Variants in GUK1 observed in about 807,000 individuals in gnomAD.
GUK1 encodes guanylate kinase.
A neutral mutation model predicts 25.2 loss-of-function variants in GUK1; 18 were observed. That is an observed-to-expected ratio of 0.71 (90% CI 0.49 to 1.06). GUK1 has a LOEUF of 1.06. Among genes scored for constraint, GUK1 ranks in the 50% least tolerant of loss-of-function variants. GUK1 has a pLI of 0.00. For synonymous variants in GUK1, 105 were observed against 117.6 expected (o/e 0.89, Z 0.69); for missense variants, 261 against 276.7 (o/e 0.94, Z 0.40).
rs556730191 is a variant in GUK1 at position 228,140,516 on chromosome 1, G to A, written c.-168+153G>A. ...AACTGTGGGCCCTGAGAACGGGGGA[G>A]CTCTGGAGGGCGGACGGGCTGGCAA... On this transcript the variant is annotated intron_variant, in intron 1 of 8. Transcript: ENST00000312726. Among the ~76,000 whole-genome samples the A allele has an allele frequency of 3.9e-4, 59 of 152,398 alleles. No homozygotes were observed. In the South Asian group the frequency reaches 0.012, roughly 31 times the overall value.
In GUK1 at chr1:228,147,494, G is replaced by C; in HGVS notation, c.340G>C (p.Asp114His). ...GGGTGTGCGGAACATCAAGGCCACC[G>C]ATCTGCGGCCCATCTACATCTCTGT... The change falls in exon 6 of 9, where the codon GAT (aspartate) becomes CAT (histidine). Residue 114 changes from aspartate (D) to histidine (H), a missense_variant. Coordinates refer to ENST00000312726, the MANE Select transcript of GUK1 (RefSeq NM_000858.7). The C allele has an allele frequency of 6.2e-7, 1 of 1,613,276 alleles. No homozygotes were observed. The highest frequency in any genetic ancestry group is 8.5e-7 in the Non-Finnish European group (1 of 1,179,960).
At chr1:228,140,888 C>T (rs1329625016) in intron 1 of GUK1, among the ~76,000 whole-genome samples, 1 of 152,258 alleles carries the variant, frequency 6.6e-6, no homozygotes, top group Non-Finnish European at 1.5e-5. Context: ...GGTTCGGATT[C>T]TCCAAAGCCA....
chr1:228,145,907 G>C (rs2034341329), intron 3 of GUK1, 119 bp from the exon 3 acceptor site: 1 of 813,500 alleles, frequency 1.2e-6, no homozygotes, highest in Non-Finnish European at 2.1e-6. Flanking sequence ...CTTCCCAGTG[G>C]TGTGCTTCAC....
rs1357467794 is a variant in GUK1 at position 228,148,293 on chromosome 1, G to C, written c.476-78G>C. 4.0e-6 allele frequency: 4 copies of C among 1,008,484 alleles called. No individual in the cohort carries two copies. The South Asian group carries it at 5.1e-5, about 13-fold the overall frequency. The allele number at this position is 1,008,484 out of a possible 1,614,324, so 62.5% of individuals were successfully genotyped here. ...AGTGAGGACAGCCGCAGGCCAGTGG[G>C]CTGCTCTGGGGGTCGTGTGGGACCT... On this transcript the variant is annotated intron_variant, in intron 7 of 8. Coordinates refer to ENST00000312726, the MANE Select transcript of GUK1 (RefSeq NM_000858.7).
intron 2 of GUK1, among the ~76,000 whole-genome samples, chr1:228,142,640 G>C (rs566316991): frequency 6.6e-6 from 1 of 152,112 alleles, no homozygotes; most frequent in African/African-American, 2.4e-5. Flanking sequence ...TCTGATCGTT[G>C]TCAGGGCCCT....
chr1:228,146,222 AGG>A (rs2034363839), intron 4 of GUK1, 155 bp downstream of exon 3: 2 of 601,452 alleles, frequency 3.3e-6, no homozygotes, highest in African/African-American at 4.0e-5. Context: ...GAACTCAATC[AGG>A]GTGTCAGCGC....
chr1:228,142,575 G>A (rs563780717), intron 2 of GUK1, among the ~76,000 whole-genome samples: 1 of 152,140 alleles, frequency 6.6e-6, no homozygotes, highest in African/African-American at 2.4e-5. Context: ...AACAGGCGGG[G>A]TTGGGGCCCA....
chr1:228,141,758 C>T (rs572812300), intron 2 of GUK1: 54 of 1,320,930 alleles, frequency 4.1e-5, no homozygotes, highest in South Asian at 2.9e-4. Context: ...CATTCCGGAA[C>T]ATGGATCTGC....
rs1306031853 is a variant in GUK1 at position 228,147,395 on chromosome 1, C to T, written c.252-11C>T. 1.3e-5 allele frequency: 21 copies of T among 1,607,262 alleles called. No homozygotes were observed. The highest frequency in any genetic ancestry group is 1.5e-5 in the Non-Finnish European group (18 of 1,177,890). ...CCCTGGCACCCCTGCTGACCTGGCA[C>T]CTCTCCCCAGCAAGGTGGCGGTGCA... On this transcript the variant is annotated splice_polypyrimidine_tract_variant and intron_variant, in intron 5 of 8. Transcript: ENST00000312726.
upstream of GUK1, chr1:228,140,173 TA>T: frequency 2.6e-6 from 2 of 782,220 alleles, no homozygotes; most frequent in Non-Finnish European, 4.1e-6. Flanking sequence ...AGTACTTCCC[TA>T]AGGGGCGGGG....
intron 2 of GUK1, among the ~76,000 whole-genome samples, chr1:228,142,412 C>T (rs979776342): frequency 3.3e-5 from 5 of 152,136 alleles, no homozygotes; most frequent in African/African-American, 1.2e-4. Context: ...AGCCTGGACC[C>T]CTGCCTGGCA....
In GUK1 at chr1:228,147,473, G is replaced by A. The variant is rs372197142; in HGVS notation, c.319G>A (p.Val107Met). ...TGTGCTGGACGTGGACCTGCAGGGT[G>A]TGCGGAACATCAAGGCCACCGATCT... Residue 107 changes from valine (V) to methionine (M), a missense_variant, in exon 6 of 9, where the codon GTG (valine) becomes ATG (methionine). Transcript: ENST00000312726. The A allele has an allele frequency of 6.8e-6, 11 of 1,613,076 alleles. No homozygotes were observed. The highest frequency in any genetic ancestry group is 5.5e-5 in the South Asian group (5 of 91,088).
chr1:228,140,945 C>T (rs979891599), intron 1 of GUK1, among the ~76,000 whole-genome samples: 7 of 152,328 alleles, frequency 4.6e-5, no homozygotes, highest in Admixed American at 3.9e-4. Flanking sequence ...CATTCTTGAG[C>T]GTCGCCTTAG....
chr1:228,147,880 C>T (rs1480907380), intron 7 of GUK1, among the ~76,000 whole-genome samples, 181 bp downstream of exon 6: 10 of 151,764 alleles, frequency 6.6e-5, no homozygotes, highest in Non-Finnish European at 1.0e-4. Flanking sequence ...CAGAACCCAC[C>T]CCCAGTCACC....
intron 7 of GUK1, 184 bp from the exon 7 acceptor site, chr1:228,148,187 G>A: frequency 1.5e-6 from 1 of 685,884 alleles, no homozygotes; most frequent in East Asian, 2.7e-5. Context: ...CAGGAGTGGT[G>A]CCTGAGGACT....
chr1:228,146,026 A>T lies in GUK1; in HGVS notation c.113A>T (p.His38Leu). 1 of 1,610,846 alleles carries T rather than the reference A, an allele frequency of 6.2e-7. No homozygotes were observed. The highest frequency in any genetic ancestry group is 8.5e-7 in the Non-Finnish European group (1 of 1,177,186). ...GATGGGTGACAGGTCTCTCTGCTAG[A>T]TACCACGAGGAACCCGAGGCCCGGC... Residue 38 changes from histidine to leucine, a missense_variant and splice_region_variant, in exon 4 of 9, where the codon CAT becomes CTT. By Grantham distance (99) the His-to-Leu change is moderately conservative (BLOSUM62 -3). Transcript: ENST00000312726.
chr1:228,141,150 G>T lies in GUK1; in HGVS notation c.-141G>T. On this transcript the variant is annotated 5_prime_UTR_variant, in exon 2 of 9. Transcript: ENST00000312726. ...CTTGCTCTGCTCTTTACCTGGGGTTGCTGTCGAGGACCCTGTGCAAGACTC... is the reference window on the plus strand; with the variant it reads ...CTTGCTCTGCTCTTTACCTGGGGTTTCTGTCGAGGACCCTGTGCAAGACTC... 1 of 985,680 alleles carries T rather than the reference G, an allele frequency of 1.0e-6. No individual in the cohort carries two copies. Among genetic ancestry groups the T allele is most frequent in the Non-Finnish European group, 1.2e-6 (1 of 830,110 alleles). The allele number at this position is 985,680 out of a possible 1,614,324, so 61.1% of individuals were successfully genotyped here.
At chr1:228,148,132 A>T in intron 7 of GUK1, 1 of 621,322 alleles carries the variant, frequency 1.6e-6, no homozygotes, top group Non-Finnish European at 3.0e-6. Flanking sequence ...CAGAGTCCTG[A>T]TGGGTGCTGG....
At chr1:228,141,067 GC>G (rs1197875025) in intron 1 of GUK1, 6 of 860,578 alleles carry the variant, frequency 7.0e-6, no homozygotes, top group Non-Finnish European at 8.4e-6. Flanking sequence ...CGGTCCTGAG[GC>G]CCCGGGCTGG....
Sources: allele counts gnomAD v4.1 joint callset (sites outside exome capture counted in the v4.1 genomes callset), GRCh38; gene constraint gnomAD v4.1.1; transcripts MANE v1.5; gene names NCBI Gene and HGNC (gene_info 2026-07-23, HGNC 2026-07-21).